The following ARG2 variants were observed in gnomAD, a reference collection of about 807,000 sequenced individuals.
ARG2 encodes arginase-2, mitochondrial.
Under a neutral mutation model 39.4 loss-of-function variants are expected in ARG2, and 21 were observed. The observed-to-expected ratio is 0.53, with a 90% CI of 0.38 to 0.77. The LOEUF is 0.77. ARG2 is among the 30% of genes least tolerant of loss of function. The probability of loss-of-function intolerance (pLI) is 0.00; values close to 1 mark genes in which losing one functional copy is unlikely to be tolerated. For missense variants in ARG2, 378 were observed against 426.2 expected, an observed-to-expected ratio of 0.89 and a Z score of 1.00; for synonymous variants, 150 against 156.7, an observed-to-expected ratio of 0.96 and a Z score of 0.32.
intron 2 of ARG2, among the ~76,000 whole-genome samples, chr14:67,623,042 T>G (rs186633208): frequency 6.6e-6 from 1 of 152,316 alleles, no homozygotes; most frequent in African/African-American, 2.4e-5. Flanking sequence ...GAGGCTTCAG[T>G]TTATATGGCC....
At chr14:67,634,247 G>A (rs529479586) in intron 2 of ARG2, among the ~76,000 whole-genome samples, 26 of 152,070 alleles carry the variant, frequency 1.7e-4, no homozygotes, top group East Asian at 7.7e-4. Context: ...TTTTTAAAAC[G>A]TATGACTCAA....
chr14:67,649,309 C>G (rs1211687384), intron 7 of ARG2: 1 of 151,964 alleles, frequency 6.6e-6, no homozygotes, highest in Non-Finnish European at 1.5e-5. Flanking sequence ...ATTACTTGAC[C>G]CCAGGGGTTC....
At chr14:67,649,484 G>A (rs2037144475) in intron 7 of ARG2, 2 of 152,042 alleles carry the variant, frequency 1.3e-5, no homozygotes, top group Non-Finnish European at 2.9e-5. Context: ...AATTTATAGG[G>A]TGGCAATAGT....
intron 2 of ARG2, among the ~76,000 whole-genome samples, chr14:67,635,227 GAGT>G: frequency 6.6e-6 from 1 of 152,290 alleles, no homozygotes; most frequent in South Asian, 2.1e-4. Flanking sequence ...CTGAGTGACA[GAGT>G]AAGACCATCT....
In ARG2 at chr14:67,646,959, TG is replaced by T. The variant is rs1566806220; in HGVS notation, c.657del (p.Met219IlefsTer20). 6.2e-7 allele frequency: 1 copy of T among 1,611,654 alleles called. No individual in the cohort carries two copies. The highest frequency in any genetic ancestry group is 1.1e-5 in the South Asian group (1 of 91,010). ...LKNYDIQYFS[M>X]RDIDRLGIQK... ...AACTATGATATCCAGTATTTTTCCATGAGAGATATTGATCGACTTGGTATCC... is the reference window on the plus strand; with the variant it reads ...AACTATGATATCCAGTATTTTTCCATAGAGATATTGATCGACTTGGTATCC... On this transcript the variant is annotated frameshift_variant, in exon 6 of 8. Coordinates refer to ENST00000261783, the MANE Select transcript of ARG2 (RefSeq NM_001172.4). LOFTEE classifies it high-confidence loss of function.
rs1164970185 is a variant in ARG2, at chr14:67,632,250, T to A, written c.185-9936T>A. ...CAAACCTGTATACAGATGTCTTCCA[T>A]GTATCTTATCTTTTTAACTTTTTGT... On this transcript the variant is annotated intron_variant, in intron 2 of 7. Coordinates refer to ENST00000261783, the MANE Select transcript of ARG2 (RefSeq NM_001172.4). Among the ~76,000 whole-genome samples the A allele has an allele frequency of 2.0e-5, 3 of 152,218 alleles. No homozygotes were observed. The East Asian group carries it at 5.8e-4, about 29-fold the overall frequency.
At chr14:67,637,410 CAAAAAAAA>C (rs34746542) in intron 2 of ARG2, among the ~76,000 whole-genome samples, 49 of 103,642 alleles carry the variant, frequency 4.7e-4, no homozygotes, top group Admixed American at 6.3e-4. Flanking sequence ...GACTCTGTCT[CAAAAAAAA>C]AAAAAAAAAA....
intron 2 of ARG2, among the ~76,000 whole-genome samples, chr14:67,628,020 C>T: frequency 6.6e-6 from 1 of 152,218 alleles, no homozygotes; most frequent in East Asian, 1.9e-4. Flanking sequence ...TAGCAAAGAC[C>T]AAACCTGCTT....
chr14:67,622,973 G>A (rs573405811), intron 2 of ARG2, among the ~76,000 whole-genome samples: 5 of 152,112 alleles, frequency 3.3e-5, no homozygotes, highest in African/African-American at 1.2e-4. Context: ...TCCAACCCAG[G>A]GGAAGCCATT....
At chr14:67,624,478 A>T (rs1368286055) in intron 2 of ARG2, among the ~76,000 whole-genome samples, 1 of 152,220 alleles carries the variant, frequency 6.6e-6, no homozygotes, top group Non-Finnish European at 1.5e-5. Flanking sequence ...AGGCCCCAGG[A>T]GAATTATAAT....
intron 3 of ARG2, among the ~76,000 whole-genome samples, chr14:67,643,726 A>C (rs547436955): frequency 1.3e-5 from 2 of 152,264 alleles, no homozygotes; most frequent in Admixed American, 1.3e-4. Flanking sequence ...TAGAGCTGGG[A>C]TTCAAATCCA....
At chr14:67,645,837 C>CT (rs1394627498) in intron 4 of ARG2, 35 bp downstream of exon 4, 1 of 1,608,380 alleles carries the variant, frequency 6.2e-7, no homozygotes, top group South Asian at 1.1e-5. Context: ...AGGTGAATGG[C>CT]TTGCAGGGTT....
intron 2 of ARG2, among the ~76,000 whole-genome samples, chr14:67,633,688 C>T (rs897124891): frequency 2.6e-5 from 4 of 152,344 alleles, no homozygotes; most frequent in South Asian, 2.1e-4. Context: ...TTAGAAACCA[C>T]GGTTGTTCCC....
intron 2 of ARG2, among the ~76,000 whole-genome samples, chr14:67,628,692 T>A (rs2036891103): frequency 6.6e-6 from 1 of 152,222 alleles, no homozygotes; most frequent in African/African-American, 2.4e-5. Context: ...TTTGACCACC[T>A]CAGCCATTAG....
intron 5 of ARG2, 46 bp downstream of exon 5, chr14:67,646,784 T>A: frequency 6.6e-7 from 1 of 1,524,494 alleles, no homozygotes; most frequent in Non-Finnish European, 9.1e-7. Flanking sequence ...TCCTAGCCAA[T>A]TATGTTCTAT....
At chr14:67,625,437 G>T (rs1235916984) in intron 2 of ARG2, among the ~76,000 whole-genome samples, 2 of 152,152 alleles carry the variant, frequency 1.3e-5, no homozygotes, top group Non-Finnish European at 1.5e-5. Context: ...CCAGCACTTT[G>T]GGAGGCTGAG....
intron 2 of ARG2, among the ~76,000 whole-genome samples, chr14:67,626,835 T>C (rs2036871406): frequency 1.3e-5 from 2 of 152,206 alleles, no homozygotes; most frequent in South Asian, 2.1e-4. Context: ...TGTACATTAA[T>C]TGAATAGGGG....
At chr14:67,646,846 A>G (rs3180827) in intron 5 of ARG2, 75 bp from the exon 6 acceptor site, 1 of 1,385,032 alleles carries the variant, frequency 7.2e-7, no homozygotes, top group Admixed American at 1.7e-5. Flanking sequence ...CAACAAACCC[A>G]CCCTCTCCCC....
At chr14:67,639,965 G>T (rs2037013490) in intron 2 of ARG2, among the ~76,000 whole-genome samples, 1 of 150,074 alleles carries the variant, frequency 6.7e-6, no homozygotes, top group African/African-American at 2.4e-5. Flanking sequence ...TGCAGTCCAG[G>T]ATTGTGTTGT....
Sources: gnomAD v4.1 joint callset for allele counts (sites outside exome capture counted in the v4.1 genomes callset) on GRCh38, gnomAD v4.1.1 for gene constraint, MANE v1.5 for transcripts, NCBI Gene and HGNC (gene_info 2026-07-23, HGNC 2026-07-21) for gene names.